Variants in DNAL1 observed in about 807,000 individuals in gnomAD.
DNAL1 encodes the protein dynein axonemal light chain 1, also known as chromosome 14 open reading frame 168.
A neutral mutation model predicts 29.4 loss-of-function variants in DNAL1; 17 were observed. The ratio of observed to expected loss-of-function variants is 0.58; its 90% CI spans 0.40 to 0.87. The LOEUF is 0.87. Ranked by LOEUF, DNAL1 falls within the 40% of genes least tolerant of loss-of-function variation. The pLI is 0.00. For synonymous variants in DNAL1, 78 were observed against 76.3 expected (o/e 1.02, Z -0.12); for missense variants, 188 against 214.1 (o/e 0.88, Z 0.76).
intron 7 of DNAL1, among the ~76,000 whole-genome samples, chr14:73,690,820 C>CA (rs1383523897): frequency 6.6e-6 from 1 of 152,096 alleles, no homozygotes; most frequent in Non-Finnish European, 1.5e-5. Flanking sequence ...AAAGGTAACA[C>CA]AAAGGTCACA....
chr14:73,661,282 C>T (rs999616859), intron 3 of DNAL1, among the ~76,000 whole-genome samples: 1 of 152,124 alleles, frequency 6.6e-6, no homozygotes, highest in African/African-American at 2.4e-5. Flanking sequence ...TAGTATTTCA[C>T]TATCTGTTCC....
chr14:73,656,976 G>C (rs961531985), intron 2 of DNAL1, among the ~76,000 whole-genome samples: 4 of 151,302 alleles, frequency 2.6e-5, no homozygotes. Context: ...TATAGACGGG[G>C]TCTCACTATA....
chr14:73,695,071 T>TG (rs1892271474), intron 7 of DNAL1, among the ~76,000 whole-genome samples: 1 of 143,284 alleles, frequency 7.0e-6, no homozygotes, highest in African/African-American at 2.7e-5. Context: ...TTTTTTTTTT[T>TG]TTGAGACAGG....
intron 4 of DNAL1, among the ~76,000 whole-genome samples, chr14:73,667,109 G>A (rs1201864041): frequency 3.3e-5 from 5 of 151,022 alleles, no homozygotes; most frequent in African/African-American, 7.3e-5. Context: ...ATATTTCCAC[G>A]GGATATCTAA....
rs1246688540 is a variant in DNAL1 at position 73,674,098 on chromosome 14, A to G, written c.264+2501A>G. Among the ~76,000 whole-genome samples the G allele has an allele frequency of 2.6e-5, 4 of 152,110 alleles. No homozygotes were observed. In the South Asian group the frequency reaches 6.2e-4, roughly 24 times the overall value. ...GGGGTTGATTTATAACTATTCAGGA[A>G]AACTATTGAGGTACATTATAAACCC... is the stretch of plus-strand genomic sequence containing the variant. On this transcript the variant is annotated intron_variant, in intron 5 of 7. Transcript: ENST00000553645.
rs941838017 is a variant in DNAL1 at position 73,695,661 on chromosome 14, C to G, written c.533-241C>G. On this transcript the variant is annotated intron_variant, in intron 7 of 7. Transcript: ENST00000553645. Reference sequence around the variant, plus strand: ...TCTCCTGCCTCAGCCTCCCAAGTAACTGGGATTACAACCGCCCGCCACCAT... The same window carrying G: ...TCTCCTGCCTCAGCCTCCCAAGTAAGTGGGATTACAACCGCCCGCCACCAT... Among the ~76,000 whole-genome samples, 6 of 152,046 alleles carry G rather than the reference C, an allele frequency of 3.9e-5. No individual in the cohort carries two copies. The East Asian group carries it at 1.2e-3, about 30-fold the overall frequency.
intron 1 of DNAL1, among the ~76,000 whole-genome samples, chr14:73,653,895 CATT>C (rs1364260579): frequency 6.6e-6 from 1 of 152,096 alleles, no homozygotes; most frequent in Non-Finnish European, 1.5e-5. Context: ...TAAGATGCAA[CATT>C]ATTTTATGTT....
At chr14:73,695,406 A>C (rs933410716) in intron 7 of DNAL1, among the ~76,000 whole-genome samples, 3 of 151,976 alleles carry the variant, frequency 2.0e-5, no homozygotes, top group Non-Finnish European at 4.4e-5. Flanking sequence ...TAATATTCAC[A>C]AGTATGTATA....
At chr14:73,645,127 G>A in intron 1 of DNAL1, 85 bp downstream of exon 1, 3 of 1,565,764 alleles carry the variant, frequency 1.9e-6, no homozygotes, top group Non-Finnish European at 1.7e-6. Context: ...AGGGTCTGGG[G>A]GTCCTTGAAC....
chr14:73,650,942 G>A lies in DNAL1; in HGVS notation c.4-3905G>A, dbSNP rs769992338. Among the ~76,000 whole-genome samples the A allele has an allele frequency of 1.3e-3, 198 of 152,132 alleles. 5 individuals are homozygous for A. The highest frequency in any genetic ancestry group is 3.5e-4 in the Non-Finnish European group (24 of 68,018). ...CAGGCATGTGTCACCAAACCCAGCT[G>A]CTGAGAGCTTTTAACATCAAATGTA... On this transcript the variant is annotated intron_variant, in intron 1 of 7. Coordinates refer to ENST00000553645, the MANE Select transcript of DNAL1 (RefSeq NM_031427.4).
intron 6 of DNAL1, 25 bp from the exon 7 acceptor site, chr14:73,689,350 A>G (rs376224124): frequency 1.6e-5 from 25 of 1,550,828 alleles, no homozygotes; most frequent in Non-Finnish European, 2.2e-5. Context: ...GTGTTTTAAT[A>G]TGGAAAATAT....
At chr14:73,680,873 G>A (rs566631111) in intron 5 of DNAL1, among the ~76,000 whole-genome samples, 10 of 152,278 alleles carry the variant, frequency 6.6e-5, no homozygotes, top group African/African-American at 2.4e-4. Flanking sequence ...ACTGTACTGA[G>A]TGCTGCAGGC....
intron 7 of DNAL1, among the ~76,000 whole-genome samples, chr14:73,694,743 G>A (rs1892263229): frequency 6.6e-6 from 1 of 150,912 alleles, no homozygotes; most frequent in African/African-American, 2.4e-5. Flanking sequence ...AGGCTGGAGT[G>A]CAATGGCATG....
At chr14:73,653,513 G>C (rs1205959479) in intron 1 of DNAL1, among the ~76,000 whole-genome samples, 3 of 151,938 alleles carry the variant, frequency 2.0e-5, no homozygotes, top group Admixed American at 6.6e-5. Context: ...CACCATGCCA[G>C]GCTAATTTTT....
intron 5 of DNAL1, among the ~76,000 whole-genome samples, chr14:73,679,432 A>G (rs981346328): frequency 2.6e-5 from 4 of 152,234 alleles, no homozygotes; most frequent in African/African-American, 9.6e-5. Flanking sequence ...AGCATTATTT[A>G]TAATAGCCAA....
At chr14:73,674,884 C>T (rs541839920) in intron 5 of DNAL1, among the ~76,000 whole-genome samples, 3 of 151,836 alleles carry the variant, frequency 2.0e-5, no homozygotes, top group Admixed American at 2.0e-4. Flanking sequence ...CAGGGTCTCA[C>T]TGTGTCGCCC....
chr14:73,647,234 A>G (rs1388662338), intron 1 of DNAL1, among the ~76,000 whole-genome samples: 1 of 151,722 alleles, frequency 6.6e-6, no homozygotes, highest in African/African-American at 2.4e-5. Context: ...GCGTGGTGGT[A>G]GGCGCCTATA....
rs566825653 is a variant in DNAL1, at chr14:73,677,884, TTGTGTGTGTG to T, written c.264+6310_264+6319del. 2.2e-3 allele frequency among the ~76,000 whole-genome samples: 212 copies of T among 96,124 alleles called. 1 individual carries two copies. The highest frequency in any genetic ancestry group is 6.7e-3 in the African/African-American group (177 of 26,512). The allele number at this position is 96,124 out of a possible 152,430, so 63.1% of individuals were successfully genotyped here. ...TATATTTATATATATATATATATAT[TTGTGTGTGTG>T]TGTGTGTGTGTGTGTGTGTGTGATG... is the stretch of plus-strand genomic sequence containing the variant. On this transcript the variant is annotated intron_variant, in intron 5 of 7. Transcript: ENST00000553645.
rs1173926314 is a variant in DNAL1 at position 73,699,002 on chromosome 14, G to T, written c.*3060G>T. On this transcript the variant is annotated 3_prime_UTR_variant, in exon 8 of 8. Coordinates refer to ENST00000553645, the MANE Select transcript of DNAL1 (RefSeq NM_031427.4). ...TTGGGATTGATAATTCATTGTTGTT[G>T]GGGGCTGTCCTGTGTGCTTAGGATG... is the stretch of plus-strand genomic sequence containing the variant. 6.6e-6 allele frequency: 1 copy of T among 152,094 alleles called. No homozygotes were observed. The highest frequency in any genetic ancestry group is 2.4e-5 in the African/African-American group (1 of 41,382). 9.4% of individuals were successfully genotyped at this position (152,094 alleles called of 1,614,324 possible).
Sources: allele counts gnomAD v4.1 joint callset (sites outside exome capture counted in the v4.1 genomes callset), GRCh38; gene constraint gnomAD v4.1.1; transcripts MANE v1.5; gene names NCBI Gene and HGNC (gene_info 2026-07-23, HGNC 2026-07-21).